The following SLC6A11 variants were observed in gnomAD, a reference collection of about 807,000 sequenced individuals.
The protein encoded by SLC6A11 is sodium- and chloride-dependent GABA transporter 3.
SLC6A11 carries 25 observed loss-of-function variants against 74.8 expected under a neutral mutation model. The observed-to-expected ratio is 0.33, with a 90% CI of 0.24 to 0.47. The LOEUF (loss-of-function observed/expected upper bound fraction) is 0.47. SLC6A11 is among the 20% of genes least tolerant of loss of function. The probability of loss-of-function intolerance (pLI) is 1.00; values close to 1 mark genes in which losing one functional copy is unlikely to be tolerated. For synonymous variants in SLC6A11, 330 were observed against 330.2 expected (o/e 1.00, Z 0.01); for missense variants, 574 against 837.0 (o/e 0.69, Z 3.88).
chr3:10,932,871 T>C (rs899960416), intron 10 of SLC6A11, among the ~76,000 whole-genome samples: 2 of 152,056 alleles, frequency 1.3e-5, no homozygotes, highest in African/African-American at 4.8e-5. Flanking sequence ...CTCCCCCATC[T>C]CGATTTTCTA....
intron 6 of SLC6A11, among the ~76,000 whole-genome samples, chr3:10,886,807 C>CAA (rs200743729): frequency 0.095 from 9,591 of 100,990 alleles, 459 homozygotes; most frequent in African/African-American, 0.16. Context: ...GACTCCATCT[C>CAA]AAAAAAAAAA....
intron 6 of SLC6A11, among the ~76,000 whole-genome samples, chr3:10,899,382 C>T (rs1457856837): frequency 2.0e-5 from 3 of 152,214 alleles, no homozygotes; most frequent in African/African-American, 7.2e-5. Context: ...TGTTCCCATT[C>T]ACTATCAGAA....
chr3:10,857,816 T>A (rs1694656667), intron 5 of SLC6A11, among the ~76,000 whole-genome samples: 1 of 152,116 alleles, frequency 6.6e-6, no homozygotes, highest in Non-Finnish European at 1.5e-5. Flanking sequence ...ACAGATAAGT[T>A]CAAGAAAATT....
In SLC6A11 at chr3:10,925,997, G is replaced by A. The variant is rs748307591; in HGVS notation, c.1121-7G>A. On this transcript the variant is annotated splice_polypyrimidine_tract_variant and splice_region_variant and intron_variant, in intron 8 of 13. Transcript: ENST00000254488. ...CCCAGTGGCTTTCTCTCTCTCCCTC[G>A]CTCCAGGCCCCGGCCTGGCCTTTAT... The A allele has an allele frequency of 7.1e-6, 11 of 1,556,392 alleles. No homozygotes were observed. The highest frequency in any genetic ancestry group is 5.1e-5 in the Admixed American group (3 of 58,612).
intron 8 of SLC6A11, among the ~76,000 whole-genome samples, chr3:10,922,297 C>G (rs1695547152): frequency 6.6e-6 from 1 of 151,768 alleles, no homozygotes; most frequent in African/African-American, 2.4e-5. Context: ...ATAGATCTAA[C>G]AAAAAAACAT....
At chr3:10,830,925 G>T (rs1418844910) in intron 4 of SLC6A11, among the ~76,000 whole-genome samples, 1 of 152,186 alleles carries the variant, frequency 6.6e-6, no homozygotes, top group African/African-American at 2.4e-5. Context: ...TGGTCCAGGT[G>T]CAGTAACCTA....
chr3:10,819,815 G>A lies in SLC6A11; in HGVS notation c.495G>A (p.Glu165=), dbSNP rs1203061751. Residue 165 remains glutamate (E), a synonymous_variant, in exon 3 of 14, where the codon GAG becomes GAA. Coordinates refer to ENST00000254488, the MANE Select transcript of SLC6A11 (RefSeq NM_014229.3). Reference sequence around the variant, plus strand: ...ACCTGAGCAACTGCTTCACTACTGAGCTACCCTGGGCTACCTGTGGGCATG... The same window carrying A: ...ACCTGAGCAACTGCTTCACTACTGAACTACCCTGGGCTACCTGTGGGCATG... The part of the protein sequence containing the change: ...IFYLSNCFTT[E]LPWATCGHEW... The A allele has an allele frequency of 6.2e-7, 1 of 1,614,208 alleles. No homozygotes were observed. Among genetic ancestry groups the A allele is most frequent in the South Asian group, 1.1e-5 (1 of 91,076 alleles).
chr3:10,853,372 G>A (rs985760955), intron 5 of SLC6A11, among the ~76,000 whole-genome samples: 1 of 152,228 alleles, frequency 6.6e-6, no homozygotes, highest in African/African-American at 2.4e-5. Context: ...ACCCCCGCTT[G>A]CTGTCACCTG....
At chr3:10,835,415 G>A (rs867026795) in intron 4 of SLC6A11, among the ~76,000 whole-genome samples, 2 of 152,172 alleles carry the variant, frequency 1.3e-5, no homozygotes, top group South Asian at 2.1e-4. Context: ...TCACAGCTGC[G>A]GCAGTTCCTC....
intron 3 of SLC6A11, among the ~76,000 whole-genome samples, chr3:10,822,289 C>T (rs954472279): frequency 1.3e-5 from 2 of 152,216 alleles, no homozygotes; most frequent in African/African-American, 4.8e-5. Flanking sequence ...TGAATGGATA[C>T]AGGAGGCCTT....
chr3:10,925,020 A>T (rs893396507), intron 8 of SLC6A11, among the ~76,000 whole-genome samples: 1 of 152,322 alleles, frequency 6.6e-6, no homozygotes, highest in Non-Finnish European at 1.5e-5. Flanking sequence ...ACGAAAAAAA[A>T]TTGAATTGAT....
At chr3:10,933,298 T>C (rs1575709275) in intron 11 of SLC6A11, 45 bp downstream of exon 11, 5 of 1,351,110 alleles carry the variant, frequency 3.7e-6, no homozygotes, top group Non-Finnish European at 5.3e-6. Flanking sequence ...GCCCACCAGG[T>C]ACCCAGGATC....
At chr3:10,865,570 G>A (rs1694753988) in intron 5 of SLC6A11, among the ~76,000 whole-genome samples, 1 of 152,202 alleles carries the variant, frequency 6.6e-6, no homozygotes, top group African/African-American at 2.4e-5. Context: ...GGCTGAGGCA[G>A]GAGAATCGCT....
At chr3:10,877,536 G>A (rs904842806) in intron 6 of SLC6A11, among the ~76,000 whole-genome samples, 32 of 152,288 alleles carry the variant, frequency 2.1e-4, no homozygotes, top group African/African-American at 7.5e-4. Flanking sequence ...GTGTTTTATT[G>A]ACTGCACAGG....
chr3:10,835,833 C>T (rs1694359328), intron 4 of SLC6A11, among the ~76,000 whole-genome samples: 1 of 152,180 alleles, frequency 6.6e-6, no homozygotes, highest in Non-Finnish European at 1.5e-5. Context: ...AAAGCAGAAA[C>T]AGGGTTGGGA....
chr3:10,926,285 C>T lies in SLC6A11; in HGVS notation c.1233+169C>T, dbSNP rs1323394474. ...ACCCTCCACTTCCCTCCCAGCAACT[C>T]TTGCACCCCCGCCATCCACCAGGTG... is the stretch of plus-strand genomic sequence containing the variant. On this transcript the variant is annotated intron_variant, in intron 9 of 13. Coordinates refer to ENST00000254488, the MANE Select transcript of SLC6A11 (RefSeq NM_014229.3). The surrounding 1 kb of genome is among the most constrained non-coding windows in gnomAD (Gnocchi z 5.7). Among the ~76,000 whole-genome samples the T allele has an allele frequency of 1.3e-5, 2 of 152,026 alleles. No homozygotes were observed. Among genetic ancestry groups the T allele is most frequent in the African/African-American group, 4.8e-5 (2 of 41,390 alleles).
chr3:10,882,040 A>G (rs1694987587), intron 6 of SLC6A11, among the ~76,000 whole-genome samples: 1 of 152,182 alleles, frequency 6.6e-6, no homozygotes, highest in Non-Finnish European at 1.5e-5. Context: ...TGTGGGCAGC[A>G]GGGATTCTGC....
chr3:10,894,149 C>A (rs750021359), intron 6 of SLC6A11, among the ~76,000 whole-genome samples: 27 of 152,178 alleles, frequency 1.8e-4, no homozygotes, highest in Non-Finnish European at 4.0e-4. Flanking sequence ...GCATGTTTAC[C>A]CATTCCCCCA....
Position 10,834,352 on chromosome 3 carries a change from GT to G in SLC6A11, c.624-9852del, listed in dbSNP as rs138938564. ...TGGAAGTAAGTTTGTTTTTTTTTTT[GT>G]TTTTTTTTTCAGCAGATGGGGAATA... On this transcript the variant is annotated intron_variant, in intron 4 of 13. Coordinates refer to ENST00000254488, the MANE Select transcript of SLC6A11 (RefSeq NM_014229.3). Among the ~76,000 whole-genome samples, 11 of 145,624 alleles carry G rather than the reference GT, an allele frequency of 7.6e-5. No individual in the cohort carries two copies. In the South Asian group the frequency reaches 1.3e-3, roughly 17 times the overall value.
Sources: allele counts gnomAD v4.1 joint callset (sites outside exome capture counted in the v4.1 genomes callset), GRCh38; gene constraint gnomAD v4.1.1; non-coding constraint Gnocchi (gnomAD v3.1); transcripts MANE v1.5; gene names NCBI Gene and HGNC (gene_info 2026-07-23, HGNC 2026-07-21).